The following SPTBN5 variants were observed in gnomAD, a reference collection of about 807,000 sequenced individuals.
The protein encoded by SPTBN5 is spectrin beta chain, non-erythrocytic 5.
SPTBN5 carries 513 observed loss-of-function variants against 477.6 expected under a neutral mutation model. That is an observed-to-expected ratio of 1.07 (90% CI 1.00 to 1.16). The LOEUF (loss-of-function observed/expected upper bound fraction) is 1.16, where lower values mean the gene tolerates loss of function less well. Among genes scored for constraint, SPTBN5 ranks in the 50% most tolerant of loss-of-function variants. The pLI is 0.00. For missense variants in SPTBN5, 5,062 were observed against 4,731.8 expected, an observed-to-expected ratio of 1.07 and a Z score of -2.05; for synonymous variants, 2,169 against 2,011.7, an observed-to-expected ratio of 1.08 and a Z score of -2.09.
In SPTBN5 at chr15:41,893,426, T is replaced by C; in HGVS notation, c.72A>G (p.Thr24=). ...AAGHRSRRPS[T]ELRVPPSPSL... ...TTGGACTGGGCGGGACCCGGAGTTC[T>C]GTGCTGGGCCTCCTGCTGCGGTGCC... The change falls in exon 2 of 68, where the codon ACA becomes ACG. Residue 24 remains threonine, a synonymous_variant. Transcript: ENST00000320955. 3 of 1,612,870 alleles carry C rather than the reference T, an allele frequency of 1.9e-6. No individual in the cohort carries two copies. The highest frequency in any genetic ancestry group is 2.5e-6 in the Non-Finnish European group (3 of 1,179,756).
At chr15:41,885,623 A>G (rs1345334734) in intron 7 of SPTBN5, 112 bp downstream of exon 7, 3 of 1,328,038 alleles carry the variant, frequency 2.3e-6, no homozygotes, top group African/African-American at 2.9e-5. Flanking sequence ...CCCTGAACCC[A>G]TAAATCATCC....
rs779893574 is a variant in SPTBN5, at chr15:41,867,600, C to A, written c.6250G>T (p.Val2084Leu). The A allele has an allele frequency of 1.2e-6, 2 of 1,613,748 alleles. No homozygotes were observed. The highest frequency in any genetic ancestry group is 2.7e-5 in the African/African-American group (2 of 74,940). The change falls in exon 35 of 68, where the codon GTA becomes TTA. Residue 2084 changes from valine (V) to leucine (L), a missense_variant. By Grantham distance (32) the Val-to-Leu change is conservative (BLOSUM62 1). Transcript: ENST00000320955. ...TSALGSSVEE[V>L]EQLIRKHEVF... The stretch of plus-strand genomic sequence containing the variant: ...TCGTGCTTGCGAATCAACTGCTCTA[C>A]CTCTTCCACCGAGCTCCCCAAGGCA...
At chr15:41,877,447 A>G (rs2066781366) in intron 17 of SPTBN5, 91 bp from the exon 18 acceptor site, 1 of 1,482,282 alleles carries the variant, frequency 6.7e-7, no homozygotes, top group African/African-American at 1.4e-5. Flanking sequence ...CGCATCTTGG[A>G]TCATGAATGA....
At chr15:41,890,636 G>A (rs2067280941) in intron 3 of SPTBN5, among the ~76,000 whole-genome samples, 1 of 152,224 alleles carries the variant, frequency 6.6e-6, no homozygotes, top group African/African-American at 2.4e-5. Context: ...TGGGTCCCTG[G>A]GCTCACACCC....
rs2065628819 is a variant in SPTBN5, at chr15:41,848,469, A to ACTGT, written c.*143_*146dup. 2.2e-6 allele frequency: 2 copies of ACTGT among 903,330 alleles called. No homozygotes were observed. The highest frequency in any genetic ancestry group is 1.3e-5 in the South Asian group (1 of 74,180). 56.0% of individuals were successfully genotyped at this position (903,330 alleles called of 1,614,324 possible). ...GGTAGGACCCATCTAACCAGAAGGA[A>ACTGT]CTGTCTATTCCAGAAGCTGGGCCTG... On this transcript the variant is annotated 3_prime_UTR_variant, in exon 68 of 68. Transcript: ENST00000320955.
Position 41,893,930 on chromosome 15 carries a change from C to T in SPTBN5, c.-81G>A, listed in dbSNP as rs2067389386. The stretch of plus-strand genomic sequence containing the variant: ...GATGCCTGGGTTCCACAGAGGCGGC[C>T]CAGCTGGACGGATGGAGATGGCAGA... On this transcript the variant is annotated 5_prime_UTR_variant, in exon 1 of 68. Coordinates refer to ENST00000320955, the MANE Select transcript of SPTBN5 (RefSeq NM_016642.4). The T allele has an allele frequency of 4.6e-6, 1 of 218,604 alleles. No homozygotes were observed. Among genetic ancestry groups the T allele is most frequent in the Non-Finnish European group, 9.3e-6 (1 of 108,098 alleles). 13.5% of individuals were successfully genotyped at this position (218,604 alleles called of 1,614,324 possible). A position where few individuals can be genotyped will look rare whatever the true frequency, so the allele number is the denominator to read the frequency against.
At position 41,854,124 on chromosome 15, in the gene SPTBN5, G is replaced by T. The variant is rs1443135509; in HGVS notation, c.9700C>A (p.Leu3234Met). Residue 3234 changes from leucine (L) to methionine (M), a missense_variant, in exon 57 of 68, where the codon CTG becomes ATG. Physicochemically the swap from Leu to Met is conservative, Grantham distance 15 (BLOSUM62 2). Coordinates refer to ENST00000320955, the MANE Select transcript of SPTBN5 (RefSeq NM_016642.4). ...LQGRMQEKTA[L>M]MKGEDGGHSL... is the part of the protein sequence containing the mutation. ...TGGCCTCCGTCCTCCCCCTTCATCA[G>T]GGCCGTCTTCTCCTGCATCCTTCCC... 2 of 1,590,652 alleles carry T rather than the reference G, an allele frequency of 1.3e-6. No individual in the cohort carries two copies. The highest frequency in any genetic ancestry group is 2.3e-5 in the East Asian group (1 of 43,636).
intron 2 of SPTBN5, 104 bp downstream of exon 2, chr15:41,893,178 G>T: frequency 2.5e-6 from 4 of 1,576,128 alleles, no homozygotes; most frequent in Non-Finnish European, 3.5e-6. Context: ...TCTGGCCTCA[G>T]CTTGGCCTCA....
intron 62 of SPTBN5, 163 bp downstream of exon 62, chr15:41,852,019 T>G (rs1171300205): frequency 3.1e-6 from 3 of 967,814 alleles, no homozygotes. Flanking sequence ...CAGGGTGGTA[T>G]GGCTGTAGAC....
intron 4 of SPTBN5, among the ~76,000 whole-genome samples, chr15:41,888,523 C>T (rs1265026727): frequency 6.6e-6 from 1 of 152,216 alleles, no homozygotes; most frequent in Non-Finnish European, 1.5e-5. Context: ...TGCAGTGGCA[C>T]GATCTCGGCT....
chr15:41,877,839 T>C (rs539997736), intron 17 of SPTBN5, among the ~76,000 whole-genome samples: 5 of 152,310 alleles, frequency 3.3e-5, no homozygotes, highest in Non-Finnish European at 5.9e-5. Context: ...ACCTGTCAAG[T>C]GCCTTCAGGA....
At chr15:41,857,826 G>A in intron 49 of SPTBN5, 116 bp from the exon 50 acceptor site, 1 of 1,265,386 alleles carries the variant, frequency 7.9e-7, no homozygotes. Flanking sequence ...CCAGCTGCAT[G>A]ATCTTGAGCA....
intron 17 of SPTBN5, 48 bp downstream of exon 17, chr15:41,878,294 G>T (rs778266042): frequency 6.3e-6 from 10 of 1,591,286 alleles, no homozygotes; most frequent in South Asian, 1.1e-5. Context: ...AGAGCCCAGA[G>T]CCCTGGTCCC....
Position 41,854,048 on chromosome 15 carries a change from A to AC in SPTBN5, c.9774+1dup. 6.4e-7 allele frequency: 1 copy of AC among 1,559,442 alleles called. No individual in the cohort carries two copies. The highest frequency in any genetic ancestry group is 2.4e-5 in the East Asian group (1 of 42,290). On this transcript the variant is annotated splice_donor_variant, in intron 57 of 67. Coordinates refer to ENST00000320955, the MANE Select transcript of SPTBN5 (RefSeq NM_016642.4). LOFTEE classifies it high-confidence loss of function. ...AGGCAGGCTGCAGGGCGTGGGCCTC[A>AC]CCTCCAGGCGCCTGTGCTGTTGCTG... is the stretch of plus-strand genomic sequence containing the variant.
chr15:41,849,293 G>A (rs1280378265), intron 67 of SPTBN5, among the ~76,000 whole-genome samples: 4 of 152,214 alleles, frequency 2.6e-5, no homozygotes, highest in Admixed American at 1.3e-4. Context: ...CCAGGTAAGA[G>A]CCTCCTGCCC....
At chr15:41,852,385 C>T in intron 61 of SPTBN5, 69 bp from the exon 62 acceptor site, 1 of 1,491,850 alleles carries the variant, frequency 6.7e-7, no homozygotes, top group Non-Finnish European at 9.0e-7. Flanking sequence ...AGGTTCCCGT[C>T]TACCTCCCCT....
chr15:41,863,169 G>C (rs1166364698), intron 41 of SPTBN5, among the ~76,000 whole-genome samples: 1 of 152,252 alleles, frequency 6.6e-6, no homozygotes, highest in Non-Finnish European at 1.5e-5. Context: ...CCCTTGAGGA[G>C]CGAGAAAGGA....
At chr15:41,877,780 T>C (rs1425978778) in intron 17 of SPTBN5, among the ~76,000 whole-genome samples, 2 of 152,222 alleles carry the variant, frequency 1.3e-5, no homozygotes. Context: ...AACCAGGTAC[T>C]GGAGTCTGGC....
chr15:41,852,942 G>A lies in SPTBN5; in HGVS notation c.10229C>T (p.Ala3410Val), dbSNP rs1333726210. ...CTCGGCACAGCGTTGCCAGCGCAGG[G>A]CCCAAGCCTCCTCCAGCTCCTGCAG... ...GRLQELEEAWALRWQRCAESW... is the reference protein window; with the variant it reads ...GRLQELEEAWVLRWQRCAESW... Residue 3410 changes from alanine to valine, a missense_variant, in exon 60 of 68, where the codon GCC becomes GTC. Physicochemically the swap from Ala to Val is moderately conservative, Grantham distance 64. Coordinates refer to ENST00000320955, the MANE Select transcript of SPTBN5 (RefSeq NM_016642.4). 6.3e-7 allele frequency: 1 copy of A among 1,576,644 alleles called. No individual in the cohort carries two copies. Among genetic ancestry groups the A allele is most frequent in the Middle Eastern group, 1.7e-4 (1 of 5,840 alleles).
Sources: gnomAD v4.1 joint callset for allele counts (sites outside exome capture counted in the v4.1 genomes callset) on GRCh38, gnomAD v4.1.1 for gene constraint, MANE v1.5 for transcripts, NCBI Gene and HGNC (gene_info 2026-07-23, HGNC 2026-07-21) for gene names.